The following TRMT11 variants were observed in gnomAD, a reference collection of about 807,000 sequenced individuals.
The protein encoded by TRMT11 is tRNA methyltransferase 11.
In TRMT11, 53 loss-of-function variants were observed where a neutral mutation model predicts 62.8. The ratio of observed to expected loss-of-function variants is 0.84; its 90% CI spans 0.68 to 1.06. TRMT11 has a LOEUF of 1.06. Ranked by LOEUF, TRMT11 falls within the 50% of genes least tolerant of loss-of-function variation. The pLI, the probability that TRMT11 is intolerant of heterozygous loss-of-function variation, is 0.00. For missense variants in TRMT11, 556 were observed against 553.4 expected, an observed-to-expected ratio of 1.00 and a Z score of -0.05; for synonymous variants, 188 against 190.3, an observed-to-expected ratio of 0.99 and a Z score of 0.10.
intron 17 of TRMT11, among the ~76,000 whole-genome samples, chr6:126,078,319 A>G (rs774463956): frequency 2.0e-5 from 3 of 152,158 alleles, no homozygotes; most frequent in Non-Finnish European, 2.9e-5. Context: ...TGGTAATTCA[A>G]TAGAAAACAT....
chr6:126,268,025 G>T, the TRMT11 span, among the ~76,000 whole-genome samples: 242 of 152,266 alleles, frequency 1.6e-3, 2 homozygotes, highest in Non-Finnish European at 2.7e-3. Flanking sequence ...GCAAATGATG[G>T]TTCTTGTTGA....
chr6:126,034,428 G>A (rs975184911), intron 12 of TRMT11, among the ~76,000 whole-genome samples: 4 of 152,088 alleles, frequency 2.6e-5, no homozygotes, highest in Admixed American at 1.3e-4. Flanking sequence ...ATAAATGATA[G>A]GGCTGAATGC....
downstream of TRMT11, among the ~76,000 whole-genome samples, chr6:126,041,955 C>T (rs960225319): frequency 6.6e-6 from 1 of 152,164 alleles, no homozygotes; most frequent in African/African-American, 2.4e-5. Context: ...TGATTTCCGA[C>T]TTACCCACTC....
chr6:126,127,765 G>A (rs915668377), intron 21 of TRMT11, among the ~76,000 whole-genome samples: 4 of 150,696 alleles, frequency 2.7e-5, no homozygotes, highest in African/African-American at 9.8e-5. Flanking sequence ...TTTGCTGAAC[G>A]CGCCCGATCT....
intron 21 of TRMT11, among the ~76,000 whole-genome samples, chr6:126,171,870 C>T (rs1038568365): frequency 1.3e-5 from 2 of 152,058 alleles, no homozygotes; most frequent in African/African-American, 4.8e-5. Flanking sequence ...GGGCAGCCTG[C>T]TACCATGCCC....
rs749749263 is a variant in TRMT11 at position 125,993,832 on chromosome 6, A to G, written c.138+10A>G. The G allele has an allele frequency of 9.5e-6, 15 of 1,583,012 alleles. No individual in the cohort carries two copies. Among genetic ancestry groups the G allele is most frequent in the Non-Finnish European group, 1.3e-5 (15 of 1,152,630 alleles). On this transcript the variant is annotated intron_variant, in intron 2 of 12. Transcript: ENST00000334379. ...AGAAACTTATGGAAAGGTAAGTTAA[A>G]TTTTCATTAGACCATATGGAGTATA...
At chr6:126,184,708 A>C (rs1778507117) in intron 1 of TRMT11, among the ~76,000 whole-genome samples, 1 of 152,172 alleles carries the variant, frequency 6.6e-6, no homozygotes, top group South Asian at 2.1e-4. Context: ...GTAGCTGAGA[A>C]AGATTGTAGA....
rs182802406 is a variant in TRMT11 at position 126,149,521 on chromosome 6, A to G, written c.*1824-25304A>G. 2.3e-3 allele frequency among the ~76,000 whole-genome samples: 352 copies of G among 152,286 alleles called. 3 individuals carry two copies. Among genetic ancestry groups the G allele is most frequent in the African/African-American group, 7.9e-3 (329 of 41,556 alleles). ...TCTATATTTACAGACAAGAAAAGTGAAACTCAGTAACTTGCCTAACATTAA... is the reference window on the plus strand; with the variant it reads ...TCTATATTTACAGACAAGAAAAGTGGAACTCAGTAACTTGCCTAACATTAA... On this transcript the variant is annotated intron_variant and NMD_transcript_variant, in intron 21 of 22. Transcript: ENST00000648977.
chr6:126,190,934 T>G (rs1221930681), intron 1 of TRMT11, among the ~76,000 whole-genome samples: 1 of 152,200 alleles, frequency 6.6e-6, no homozygotes, highest in African/African-American at 2.4e-5. Flanking sequence ...AACATACTTA[T>G]TTCCTTTCTT....
intron 9 of TRMT11, 75 bp from the exon 10 acceptor site, chr6:126,012,696 G>A: frequency 9.6e-7 from 1 of 1,042,604 alleles, no homozygotes; most frequent in Non-Finnish European, 1.5e-6. Flanking sequence ...ACATTTGAAG[G>A]CAGCATGGCT....
rs79197242 is a variant in TRMT11 at position 126,013,095 on chromosome 6, C to T, written c.1133C>T (p.Thr378Met). The change falls in exon 11 of 13, where the codon ACG becomes ATG. Residue 378 changes from threonine (T) to methionine (M), a missense_variant. By Grantham distance (81) the Thr-to-Met change is moderately conservative. Transcript: ENST00000334379. Reference protein sequence around the residue: ...GRLVYWLPVYTPEYTEEMVPW... With the variant: ...GRLVYWLPVYMPEYTEEMVPW... ...CTAGTCTATTGGTTACCGGTGTATA[C>T]GCCAGAGTATGTAATCTTAATTTTA... 8.7e-4 allele frequency: 1,405 copies of T among 1,609,376 alleles called. 20 individuals carry two copies. The East Asian group carries it at 0.025, about 28-fold the overall frequency.
chr6:126,191,804 TGTCTGTTTTTATGCCAGCACC>T (rs1486775235), intron 1 of TRMT11, among the ~76,000 whole-genome samples: 1 of 152,142 alleles, frequency 6.6e-6, no homozygotes, highest in Non-Finnish European at 1.5e-5. Flanking sequence ...TTGTTTTATG[TGTCTGTTTTTATGCCAGCACC>T]ATGCTGTTTT....
intron 17 of TRMT11, among the ~76,000 whole-genome samples, chr6:126,088,030 ACT>A (rs769619057): frequency 6.6e-6 from 1 of 151,890 alleles, no homozygotes. Context: ...TCTGCCAATA[ACT>A]CTGTTATTCA....
At chr6:126,177,610 T>C (rs1562341616) in intron 1 of TRMT11, among the ~76,000 whole-genome samples, 1 of 152,196 alleles carries the variant, frequency 6.6e-6, no homozygotes, top group Non-Finnish European at 1.5e-5. Flanking sequence ...ACTTAATATA[T>C]ACTTCCCATT....
At chr6:126,259,156 A>T in the TRMT11 span, among the ~76,000 whole-genome samples, 3 of 151,952 alleles carry the variant, frequency 2.0e-5, no homozygotes, top group East Asian at 1.9e-4. Context: ...ACATGATCTC[A>T]TTTTTTTTAT....
At position 126,096,067 on chromosome 6, in the gene TRMT11, A is replaced by G. The variant is rs74716042; in HGVS notation, c.*1438-16799A>G. Among the ~76,000 whole-genome samples, 14 of 152,292 alleles carry G rather than the reference A, an allele frequency of 9.2e-5. No homozygotes were observed. In the East Asian group the frequency reaches 2.7e-3, roughly 29 times the overall value. On this transcript the variant is annotated intron_variant and NMD_transcript_variant, in intron 17 of 22. Transcript: ENST00000648977. Reference sequence around the variant, plus strand: ...TTGGGTTTTGTTCTGCAGAAAATGAAGAGCTAATTTCATTTCTTCTCATAA... The same window carrying G: ...TTGGGTTTTGTTCTGCAGAAAATGAGGAGCTAATTTCATTTCTTCTCATAA...
intron 8 of TRMT11, among the ~76,000 whole-genome samples, chr6:126,010,760 CA>C (rs1291912843): frequency 6.6e-6 from 1 of 152,066 alleles, no homozygotes; most frequent in African/African-American, 2.4e-5. Flanking sequence ...GTCTCCTAAA[CA>C]AGGAACTTAC....
chr6:125,987,891 G>A (rs899095552), intron 1 of TRMT11, among the ~76,000 whole-genome samples: 3 of 152,174 alleles, frequency 2.0e-5, no homozygotes, highest in African/African-American at 7.2e-5. Context: ...GTGGATATAT[G>A]AATATGCATA....
intron 11 of TRMT11, among the ~76,000 whole-genome samples, chr6:126,019,427 T>A (rs549563941): frequency 6.6e-6 from 1 of 152,146 alleles, no homozygotes; most frequent in East Asian, 1.9e-4. Flanking sequence ...GTACCTTGGA[T>A]TTGATTGATA....
Sources: allele counts gnomAD v4.1 joint callset (sites outside exome capture counted in the v4.1 genomes callset), GRCh38; gene constraint gnomAD v4.1.1; transcripts MANE v1.5; gene names NCBI Gene and HGNC (gene_info 2026-07-23, HGNC 2026-07-21).